The following ANGPT1 variants were observed in gnomAD, a reference collection of about 807,000 sequenced individuals.
ANGPT1 encodes the protein angiopoietin-1.
A neutral mutation model predicts 62.2 loss-of-function variants in ANGPT1; 17 were observed. The observed-to-expected ratio is 0.27, with a 90% CI of 0.19 to 0.41. The LOEUF (loss-of-function observed/expected upper bound fraction) is 0.41. Among genes scored for constraint, ANGPT1 ranks in the 10% least tolerant of loss-of-function variants. The pLI is 1.00. For synonymous variants in ANGPT1, 199 were observed against 198.9 expected (o/e 1.00, Z 0.00); for missense variants, 478 against 594.9 (o/e 0.80, Z 2.04).
intron 1 of ANGPT1, among the ~76,000 whole-genome samples, chr8:107,371,236 C>A (rs2130243789): frequency 6.6e-6 from 1 of 152,262 alleles, no homozygotes; most frequent in Middle Eastern, 3.4e-3. Context: ...TACTTTTAGG[C>A]TTTCAAATCA....
chr8:107,387,815 A>T (rs1378535710), intron 1 of ANGPT1, among the ~76,000 whole-genome samples: 1 of 151,948 alleles, frequency 6.6e-6, no homozygotes, highest in Non-Finnish European at 1.5e-5. Flanking sequence ...ATTTTGTATT[A>T]TAGGAGGAAC....
intron 1 of ANGPT1, among the ~76,000 whole-genome samples, chr8:107,375,387 C>T (rs1258325394): frequency 2.0e-5 from 3 of 151,962 alleles, no homozygotes; most frequent in African/African-American, 7.3e-5. Context: ...AATATTAAGC[C>T]AGGGGACAAT....
At chr8:107,308,476 G>A (rs549234549) in intron 4 of ANGPT1, among the ~76,000 whole-genome samples, 1 of 152,204 alleles carries the variant, frequency 6.6e-6, no homozygotes, top group East Asian at 1.9e-4. Context: ...TTTAAATACA[G>A]CACCAAAGAG....
At chr8:107,336,461 C>G in intron 2 of ANGPT1, 190 bp from the exon 3 acceptor site, 3 of 778,622 alleles carry the variant, frequency 3.9e-6, no homozygotes, top group Non-Finnish European at 5.1e-6. Flanking sequence ...GTCAAGAGAT[C>G]GAGACCATCC....
chr8:107,278,398 G>A (rs978502415), intron 7 of ANGPT1, among the ~76,000 whole-genome samples: 4 of 152,034 alleles, frequency 2.6e-5, no homozygotes, highest in African/African-American at 7.2e-5. Flanking sequence ...AACAGCTTTC[G>A]TATTAGCATG....
At chr8:107,265,200 T>C (rs1326752234) in intron 7 of ANGPT1, among the ~76,000 whole-genome samples, 1 of 152,118 alleles carries the variant, frequency 6.6e-6, no homozygotes, top group Non-Finnish European at 1.5e-5. Flanking sequence ...ATATAACAAA[T>C]CATCTGATCT....
intron 2 of ANGPT1, among the ~76,000 whole-genome samples, chr8:107,336,714 C>G (rs1815577821): frequency 1.3e-5 from 2 of 149,424 alleles, no homozygotes; most frequent in South Asian, 4.3e-4. Flanking sequence ...TATATTCTAC[C>G]AACTAATGTT....
rs963610185 is a variant in ANGPT1 at position 107,448,778 on chromosome 8, C to T, written c.297+48484G>A. Among the ~76,000 whole-genome samples the T allele has an allele frequency of 7.9e-5, 12 of 152,070 alleles. 1 individual carries two copies. The highest frequency in any genetic ancestry group is 3.3e-4 in the Admixed American group (5 of 15,262). The stretch of plus-strand genomic sequence containing the variant: ...CGTCTTTAGATAAAACATTCTATAG[C>T]GAGAACCCAAAAAGAATCCCACCTA... On this transcript the variant is annotated intron_variant, in intron 1 of 8. Coordinates refer to ENST00000517746, the MANE Select transcript of ANGPT1 (RefSeq NM_001146.5).
intron 4 of ANGPT1, among the ~76,000 whole-genome samples, chr8:107,304,293 A>G (rs1315432541): frequency 1.3e-5 from 2 of 151,702 alleles, no homozygotes; most frequent in Non-Finnish European, 3.0e-5. Flanking sequence ...AATAGTTCTT[A>G]GCTAAAGATA....
chr8:107,264,402 G>C (rs1281946839), intron 7 of ANGPT1, 51 bp from the exon 8 acceptor site: 1 of 1,579,918 alleles, frequency 6.3e-7, no homozygotes, highest in Admixed American at 1.8e-5. Context: ...CAGAATAACA[G>C]AACCCAGAAG....
intron 8 of ANGPT1, 137 bp from the exon 9 acceptor site, chr8:107,252,152 A>G: frequency 2.3e-6 from 2 of 858,982 alleles, no homozygotes; most frequent in Non-Finnish European, 3.6e-6. Flanking sequence ...ACGAGGCATC[A>G]GTAAATATAT....
intron 1 of ANGPT1, among the ~76,000 whole-genome samples, chr8:107,467,257 A>G (rs999838678): frequency 6.6e-6 from 1 of 151,968 alleles, no homozygotes; most frequent in African/African-American, 2.4e-5. Context: ...GACCTCATAA[A>G]TAGTTGTACA....
At chr8:107,364,670 A>G (rs1025056727) in intron 1 of ANGPT1, among the ~76,000 whole-genome samples, 1 of 152,226 alleles carries the variant, frequency 6.6e-6, no homozygotes, top group African/African-American at 2.4e-5. Context: ...TGGATTTTCA[A>G]ACTGCTTCTC....
At chr8:107,494,765 A>G (rs1813049966) in intron 1 of ANGPT1, 1 of 152,186 alleles carries the variant, frequency 6.6e-6, no homozygotes, top group Non-Finnish European at 1.5e-5. Context: ...AAGGTGATGG[A>G]TTAACATAAT....
intron 4 of ANGPT1, among the ~76,000 whole-genome samples, chr8:107,312,226 G>C (rs1814889331): frequency 6.6e-6 from 1 of 152,196 alleles, no homozygotes; most frequent in Admixed American, 6.5e-5. Context: ...ATGCTGCACG[G>C]CCCTTGCCAT....
intron 5 of ANGPT1, chr8:107,294,923 C>T (rs143209858): frequency 6.6e-6 from 1 of 152,234 alleles, no homozygotes; most frequent in Non-Finnish European, 1.5e-5. Context: ...ACACTATTTC[C>T]TCAACAACTG....
intron 7 of ANGPT1, among the ~76,000 whole-genome samples, chr8:107,276,062 T>A (rs1197307046): frequency 6.6e-6 from 1 of 152,156 alleles, no homozygotes; most frequent in African/African-American, 2.4e-5. Context: ...GCAAAGTGAC[T>A]GTAAGAATGT....
intron 1 of ANGPT1, among the ~76,000 whole-genome samples, chr8:107,492,091 A>G (rs971052061): frequency 6.6e-6 from 1 of 152,188 alleles, no homozygotes; most frequent in African/African-American, 2.4e-5. Flanking sequence ...ACAAGCAACC[A>G]ATAATACCGA....
intron 4 of ANGPT1, among the ~76,000 whole-genome samples, chr8:107,314,389 G>A (rs577000192): frequency 6.6e-6 from 1 of 152,206 alleles, no homozygotes; most frequent in African/African-American, 2.4e-5. Flanking sequence ...CCGAAAGATG[G>A]GGTTTAGAAA....
Sources: gnomAD v4.1 joint callset for allele counts (sites outside exome capture counted in the v4.1 genomes callset) on GRCh38, gnomAD v4.1.1 for gene constraint, MANE v1.5 for transcripts, NCBI Gene and HGNC (gene_info 2026-07-23, HGNC 2026-07-21) for gene names.